DUSP8: variants seen among roughly 807,000 people sequenced by gnomAD.
The protein encoded by DUSP8 is dual specificity phosphatase 8, also known as dual specificity protein phosphatase 8.
In DUSP8, 15 loss-of-function variants were observed where a neutral mutation model predicts 38.7. The observed-to-expected ratio is 0.39, with a 90% CI of 0.26 to 0.60. The LOEUF (loss-of-function observed/expected upper bound fraction) is 0.60. DUSP8 is among the 20% of genes least tolerant of loss of function. The pLI is 0.56. For synonymous variants in DUSP8, 458 were observed against 433.9 expected (o/e 1.06, Z -0.69); for missense variants, 768 against 915.0 (o/e 0.84, Z 2.07).
rs754326133 is a variant in DUSP8 at position 1,565,595 on chromosome 11, C to T, written c.231+1G>A. ...TGCCTGGTGGGCAGTGGGCTGGGTA[C>T]CTGGCTGCGTGCAGCCGGCTGGATG... On this transcript the variant is annotated splice_donor_variant, in intron 2 of 6. Coordinates refer to ENST00000397374, the MANE Select transcript of DUSP8 (RefSeq NM_004420.3). LOFTEE classifies it high-confidence loss of function. The T allele has an allele frequency of 6.3e-7, 1 of 1,598,868 alleles. No individual in the cohort carries two copies. Among genetic ancestry groups the T allele is most frequent in the East Asian group, 2.2e-5 (1 of 44,460 alleles).
rs1848835762 is a variant in DUSP8, at chr11:1,568,286, TGA to T, written c.-108-2354_-108-2353del. ...GCAGCCCTGAGTCCTGACACTGCCA[TGA>T]GAGACCTCGGTGCAGCCAGCCAGAT... On this transcript the variant is annotated intron_variant, in intron 1 of 6. Transcript: ENST00000397374. 2.7e-5 allele frequency among the ~76,000 whole-genome samples: 4 copies of T among 149,450 alleles called. No individual in the cohort carries two copies. The South Asian group carries it at 8.4e-4, about 31-fold the overall frequency.
rs1389872225 is a variant in DUSP8 at position 1,572,122 on chromosome 11, G to C, written c.-330C>G. Among the ~76,000 whole-genome samples, 1 of 145,548 alleles carries C rather than the reference G, an allele frequency of 6.9e-6. No homozygotes were observed. Among genetic ancestry groups the C allele is most frequent in the Non-Finnish European group, 1.5e-5 (1 of 65,640 alleles). On this transcript the variant is annotated 5_prime_UTR_variant, in exon 1 of 7. Coordinates refer to ENST00000397374, the MANE Select transcript of DUSP8 (RefSeq NM_004420.3). The surrounding 1 kb of genome is among the most constrained non-coding windows in gnomAD (Gnocchi z 4.7). ...GCACTGCGGGCGGGCACGCGCGCTC[G>C]CGGCGCGCATCCCAGCCCCGCGGCT...
At chr11:1,559,209 C>T (rs375929233) in intron 3 of DUSP8, 154 bp from the exon 4 acceptor site, 64 of 689,976 alleles carry the variant, frequency 9.3e-5, no homozygotes, top group East Asian at 6.6e-4. Context: ...AAGCCTCTGG[C>T]GGAGCACCTG....
chr11:1,565,414 G>A (rs1391053966), intron 2 of DUSP8, among the ~76,000 whole-genome samples, 182 bp downstream of exon 2: 1 of 152,176 alleles, frequency 6.6e-6, no homozygotes, highest in Non-Finnish European at 1.5e-5. Flanking sequence ...GCCCTGAGCA[G>A]GGGCAACAGG....
chr11:1,559,080 G>A (rs1379470093), intron 3 of DUSP8, 25 bp from the exon 4 acceptor site: 2 of 1,603,472 alleles, frequency 1.2e-6, no homozygotes, highest in South Asian at 1.1e-5. Flanking sequence ...CCGTCAAGTG[G>A]GTTGAGAGAA....
In DUSP8 at chr11:1,555,377, C is replaced by G; in HGVS notation, c.*1141G>C. The G allele has an allele frequency of 1.0e-6, 1 of 987,450 alleles. No individual in the cohort carries two copies. Among genetic ancestry groups the G allele is most frequent in the Non-Finnish European group, 1.2e-6 (1 of 830,132 alleles). The allele number at this position is 987,450 out of a possible 1,614,324, so 61.2% of individuals were successfully genotyped here. On this transcript the variant is annotated 3_prime_UTR_variant, in exon 7 of 7. Coordinates refer to ENST00000397374, the MANE Select transcript of DUSP8 (RefSeq NM_004420.3). ...GTGAAGCAGGCCTATCCCAGCAGCACAGGGGCTTGGCTGGCGCCTGAACTC... is the reference window on the plus strand; with the variant it reads ...GTGAAGCAGGCCTATCCCAGCAGCAGAGGGGCTTGGCTGGCGCCTGAACTC...
chr11:1,568,442 C>CTGGAGCTGGGCCTA (rs1848839061), intron 1 of DUSP8, among the ~76,000 whole-genome samples: 1 of 152,160 alleles, frequency 6.6e-6, no homozygotes, highest in Non-Finnish European at 1.5e-5. Context: ...CAACGCTGAG[C>CTGGAGCTGGGCCTA]TGGAGCTGGG....
At chr11:1,559,171 C>T in intron 3 of DUSP8, 116 bp from the exon 4 acceptor site, 1 of 1,053,416 alleles carries the variant, frequency 9.5e-7, no homozygotes, top group East Asian at 3.0e-5. Flanking sequence ...TCACACCCAG[C>T]CCAGACCCGA....
intron 1 of DUSP8, among the ~76,000 whole-genome samples, chr11:1,570,918 C>T (rs1848879517): frequency 6.6e-6 from 1 of 152,078 alleles, no homozygotes; most frequent in Non-Finnish European, 1.5e-5. Flanking sequence ...ACAAAAGGAG[C>T]TTCCCTGGCC....
chr11:1,561,027 T>C (rs1848709473), intron 3 of DUSP8, among the ~76,000 whole-genome samples: 4 of 152,270 alleles, frequency 2.6e-5, no homozygotes, highest in South Asian at 4.1e-4. Flanking sequence ...GTAGTGTGGA[T>C]GTCCCTACAC....
At chr11:1,562,462 G>A (rs1442388264) in intron 3 of DUSP8, among the ~76,000 whole-genome samples, 1 of 152,176 alleles carries the variant, frequency 6.6e-6, no homozygotes, top group African/African-American at 2.4e-5. Context: ...GAACAGGGTT[G>A]GATCAGAGTG....
chr11:1,562,376 C>T (rs1848729863), intron 3 of DUSP8, among the ~76,000 whole-genome samples: 1 of 152,156 alleles, frequency 6.6e-6, no homozygotes, highest in African/African-American at 2.4e-5. Flanking sequence ...TCCTGTTACA[C>T]CTGGTGAGCT....
In DUSP8 at chr11:1,557,353, C is replaced by A. The variant is rs1192105076; in HGVS notation, c.1043G>T (p.Arg348Met). 6.4e-7 allele frequency: 1 copy of A among 1,554,086 alleles called. No homozygotes were observed. Among genetic ancestry groups the A allele is most frequent in the Non-Finnish European group, 8.6e-7 (1 of 1,162,666 alleles). ...CCCGCCCGCGCTCAGGCCGCCCTCC[C>A]TGGCAGCCGCATTCCCTGTGGCAGC... ...ESAATGNAAA[R>M]EGGLSAGGEP... Residue 348 changes from arginine to methionine, a missense_variant, in exon 7 of 7, where the codon AGG becomes ATG. Transcript: ENST00000397374. The surrounding 1 kb of genome is among the most constrained non-coding windows in gnomAD (Gnocchi z 9.9).
chr11:1,559,302 G>A (rs1039647578), intron 3 of DUSP8: 2 of 471,058 alleles, frequency 4.2e-6, no homozygotes, highest in African/African-American at 2.0e-5. Flanking sequence ...TGCTAATTAG[G>A]GGCTGACCCA....
Position 1,557,442 on chromosome 11 carries a change from C to T in DUSP8, c.954G>A (p.Glu318=). The T allele has an allele frequency of 2.6e-6, 4 of 1,562,844 alleles. No individual in the cohort carries two copies. Among genetic ancestry groups the T allele is most frequent in the Non-Finnish European group, 3.4e-6 (4 of 1,166,110 alleles). The part of the protein sequence containing the change: ...GDPGTPSGTP[E]PPPSPAAGAP... ...CCCCGGCGGCAGGACTGGGCGGAGGCTCCGGCGTCCCTGAGGGGGTGCCCG... is the reference window on the plus strand; with the variant it reads ...CCCCGGCGGCAGGACTGGGCGGAGGTTCCGGCGTCCCTGAGGGGGTGCCCG... The change falls in exon 7 of 7, where the codon GAG becomes GAA. Residue 318 remains glutamate, a synonymous_variant. Coordinates refer to ENST00000397374, the MANE Select transcript of DUSP8 (RefSeq NM_004420.3). This position sits in a 1 kb window ranked among gnomAD's most constrained non-coding sequence, Gnocchi z 9.9.
intron 1 of DUSP8, chr11:1,571,608 C>G (rs1358159543): frequency 6.6e-6 from 1 of 152,050 alleles, no homozygotes; most frequent in East Asian, 1.9e-4. Context: ...ATTTTTGTCC[C>G]CCCCCCATTC....
At chr11:1,562,181 G>A (rs1848726664) in intron 3 of DUSP8, among the ~76,000 whole-genome samples, 2 of 152,140 alleles carry the variant, frequency 1.3e-5, no homozygotes, top group South Asian at 2.1e-4. Flanking sequence ...AGTGCTGGGT[G>A]AGGGCCCCAG....
Position 1,564,008 on chromosome 11 carries a change from A to G in DUSP8, c.232-19T>C. On this transcript the variant is annotated intron_variant, in intron 2 of 6. Transcript: ENST00000397374. ...CCTCCACCTGGGGGCCATGGGGCAG[A>G]GATCAGCATGCCGCCTCCACCTATC... is the stretch of plus-strand genomic sequence containing the variant. 6.9e-7 allele frequency: 1 copy of G among 1,439,396 alleles called. No individual in the cohort carries two copies. Among genetic ancestry groups the G allele is most frequent in the East Asian group, 2.7e-5 (1 of 36,768 alleles). 89.2% of individuals were successfully genotyped at this position (1,439,396 alleles called of 1,614,324 possible). A position where few individuals can be genotyped will look rare whatever the true frequency, so the allele number is the denominator to read the frequency against.
chr11:1,560,267 C>A (rs762159328), intron 3 of DUSP8, among the ~76,000 whole-genome samples: 1 of 152,130 alleles, frequency 6.6e-6, no homozygotes, highest in South Asian at 2.1e-4. Context: ...GGCCTGGGAA[C>A]CCCAGGGCTC....
Sources: gnomAD v4.1 joint callset for allele counts (sites outside exome capture counted in the v4.1 genomes callset) on GRCh38, gnomAD v4.1.1 for gene constraint, Gnocchi (gnomAD v3.1) non-coding constraint, MANE v1.5 for transcripts, NCBI Gene and HGNC (gene_info 2026-07-23, HGNC 2026-07-21) for gene names.